The following LAMA5 variants were observed in gnomAD, a reference collection of about 807,000 sequenced individuals.
LAMA5 encodes laminin subunit alpha 5.
Under a neutral mutation model 433.4 loss-of-function variants are expected in LAMA5, and 260 were observed. That is an observed-to-expected ratio of 0.60 (90% CI 0.54 to 0.66). The LOEUF is 0.66. LAMA5 is among the 30% of genes least tolerant of loss of function. LAMA5 has a pLI of 0.00. For synonymous variants in LAMA5, 2,620 were observed against 2,226.6 expected (o/e 1.18, Z -4.97); for missense variants, 5,378 against 5,258.5 (o/e 1.02, Z -0.70).
At position 62,338,952 on chromosome 20, in the gene LAMA5, G is replaced by A. The variant is rs1038730077; in HGVS notation, c.1478-344C>T. ...CTTGGGAGGCTGGGGCAGGAGAATC[G>A]CTTGATCCTGGGAGGCGGAGGTTGC... On this transcript the variant is annotated intron_variant, in intron 11 of 79. Transcript: ENST00000252999. Among the ~76,000 whole-genome samples the A allele has an allele frequency of 4.0e-5, 6 of 151,306 alleles. 1 individual carries two copies. The highest frequency in any genetic ancestry group is 2.6e-4 in the Admixed American group (4 of 15,174).
At chr20:62,350,096 G>C (rs943243446) in intron 6 of LAMA5, among the ~76,000 whole-genome samples, 1 of 151,786 alleles carries the variant, frequency 6.6e-6, no homozygotes, top group African/African-American at 2.4e-5. Flanking sequence ...CCTGCAGGGA[G>C]AGCTGAGCTC....
chr20:62,352,866 C>T (rs886520298), intron 3 of LAMA5: 9 of 438,744 alleles, frequency 2.1e-5, no homozygotes, highest in Admixed American at 1.6e-4. Context: ...CGGGAGCTGC[C>T]GGTGCATGAA....
rs751034946 is a variant in LAMA5 at position 62,311,035 on chromosome 20, G to A, written c.10148C>T (p.Ala3383Val). The A allele has an allele frequency of 6.2e-7, 1 of 1,608,864 alleles. No individual in the cohort carries two copies. The highest frequency in any genetic ancestry group is 8.5e-7 in the Non-Finnish European group (1 of 1,178,040). The change falls in exon 74 of 80, where the codon GCC becomes GTC. Residue 3383 changes from alanine (A) to valine (V), a missense_variant. By Grantham distance (64) the Ala-to-Val change is moderately conservative. Transcript: ENST00000252999. ...GGAGGGGCTGCCGGGCCTCAGACGGGCAGTGAAGAGGAGGAGGCCTCGGGA... is the reference window on the plus strand; with the variant it reads ...GGAGGGGCTGCCGGGCCTCAGACGGACAGTGAAGAGGAGGAGGCCTCGGGA... ...RSSRGLLLFT[A>V]RLRPGSPSLA...
At chr20:62,321,878 G>T in intron 48 of LAMA5, 141 bp downstream of exon 48, 2 of 815,508 alleles carry the variant, frequency 2.5e-6, no homozygotes, top group Non-Finnish European at 4.1e-6. Flanking sequence ...GGTTGGAGTT[G>T]GACAGGCATG....
intron 45 of LAMA5, among the ~76,000 whole-genome samples, chr20:62,323,254 G>GT (rs1978640053): frequency 1.9e-5 from 2 of 104,218 alleles, no homozygotes; most frequent in Non-Finnish European, 4.2e-5. Flanking sequence ...CGCTGGGGCG[G>GT]GAGGGCCTGA....
rs147108312 is a variant in LAMA5, at chr20:62,310,019, C to T, written c.10797G>A (p.Val3599=). The part of the protein sequence containing the change: ...EFSTSVTRPS[V]LCDGQWHRLA... ...GCCGGTGCCACTGGCCATCACACAG[C>T]ACTGAGGGGCGGGTCACTGACGTGG... Residue 3599 remains valine (V), a synonymous_variant, in exon 78 of 80, where the codon GTG becomes GTA. Transcript: ENST00000252999. The T allele has an allele frequency of 6.3e-5, 101 of 1,611,548 alleles. No individual in the cohort carries two copies. In the African/African-American group the frequency reaches 1.3e-3, roughly 20 times the overall value.
chr20:62,342,594 G>A (rs1982766773), intron 11 of LAMA5, among the ~76,000 whole-genome samples: 1 of 152,056 alleles, frequency 6.6e-6, no homozygotes, highest in Non-Finnish European at 1.5e-5. Context: ...CAGGAGAATG[G>A]CGTGAACCTG....
intron 1 of LAMA5, among the ~76,000 whole-genome samples, chr20:62,364,954 C>T (rs112403728): frequency 8.7e-4 from 132 of 152,374 alleles, no homozygotes; most frequent in African/African-American, 3.0e-3. Context: ...TTGCCCCAAC[C>T]GCAGCTCCAC....
chr20:62,310,639 GGGGGCT>G lies in LAMA5; in HGVS notation c.10446+20_10446+25del. 1 of 1,595,458 alleles carries G rather than the reference GGGGGCT, an allele frequency of 6.3e-7. No individual in the cohort carries two copies. Among genetic ancestry groups the G allele is most frequent in the Non-Finnish European group, 8.5e-7 (1 of 1,175,692 alleles). On this transcript the variant is annotated intron_variant, in intron 75 of 79. Coordinates refer to ENST00000252999, the MANE Select transcript of LAMA5 (RefSeq NM_005560.6). The stretch of plus-strand genomic sequence containing the variant: ...TGAAAGGGAACAGTGGGTGGGGAGT[GGGGGCT>G]GGGGCAAGATGGTTCTCACCGGAAG...
At position 62,324,019 on chromosome 20, in the gene LAMA5, G is replaced by A. The variant is rs116488922; in HGVS notation, c.5768+61C>T. 2.8e-3 allele frequency: 4,101 copies of A among 1,450,784 alleles called. 98 individuals are homozygous for A. The African/African-American group carries it at 0.047, about 17-fold the overall frequency. 89.9% of individuals were successfully genotyped at this position (1,450,784 alleles called of 1,614,324 possible). A position where few individuals can be genotyped will look rare whatever the true frequency, so the allele number is the denominator to read the frequency against. Reference sequence around the variant, plus strand: ...GCAGAGGGCAGTGGGAACCCACCCCGCTGCTGGGTGAAGGGAGCCTGGCAC... The same window carrying A: ...GCAGAGGGCAGTGGGAACCCACCCCACTGCTGGGTGAAGGGAGCCTGGCAC... On this transcript the variant is annotated intron_variant, in intron 43 of 79. Transcript: ENST00000252999. The surrounding 1 kb of genome is among the most constrained non-coding windows in gnomAD (Gnocchi z 4.4).
In LAMA5 at chr20:62,315,038, T is replaced by C. The variant is rs745771106; in HGVS notation, c.8037A>G (p.Ala2679=). 6 of 1,593,104 alleles carry C rather than the reference T, an allele frequency of 3.8e-6. No individual in the cohort carries two copies. The highest frequency in any genetic ancestry group is 4.3e-6 in the Non-Finnish European group (5 of 1,175,914). ...GGGCCATGGGCGCACCTGAGTGGCC[T>C]GCGTCAAGCACTGCCTGGCCCAGGT... ...GQDLGQAVLD[A]GHSVSTLEKT... is the part of the protein sequence containing the mutation. Residue 2679 remains alanine (A), a synonymous_variant, in exon 59 of 80, where the codon GCA becomes GCG. Transcript: ENST00000252999.
chr20:62,366,997 C>T lies in LAMA5; in HGVS notation c.249G>A (p.Lys83=). Residue 83 remains lysine (K), a synonymous_variant, in exon 1 of 80, where the codon AAG becomes AAA. Transcript: ENST00000252999. ...CGCCGGCCACGGGGCCCCCTACCAG[C>T]TTGCAGTAAAGGTCCTCGGTGGGGC... ...SPRPTEDLYC[K]LVGGPVAGGD... 7.8e-7 allele frequency: 1 copy of T among 1,280,384 alleles called. No homozygotes were observed. Among genetic ancestry groups the T allele is most frequent in the Admixed American group, 3.3e-5 (1 of 30,376 alleles). 79.3% of individuals were successfully genotyped at this position (1,280,384 alleles called of 1,614,324 possible). A position where few individuals can be genotyped will look rare whatever the true frequency, so the allele number is the denominator to read the frequency against.
rs1359101719 is a variant in LAMA5, at chr20:62,324,529, TCCCGATAGAAGCCGGGG to T, written c.5538_5554del (p.Pro1847ArgfsTer41). On this transcript the variant is annotated frameshift_variant, in exon 42 of 80. Coordinates refer to ENST00000252999, the MANE Select transcript of LAMA5 (RefSeq NM_005560.6). LOFTEE classifies it high-confidence loss of function. This position sits in a 1 kb window ranked among gnomAD's most constrained non-coding sequence, Gnocchi z 4.4. Reference sequence around the variant, plus strand: ...TCGGCCCAGGAAGAGACCTTTGACGTCCCGATAGAAGCCGGGGGCACATTCCTGAGGGTGTACGGGGG... The same window carrying T: ...TCGGCCCAGGAAGAGACCTTTGACGTGCACATTCCTGAGGGTGTACGGGGG... The T allele has an allele frequency of 2.5e-6, 4 of 1,611,876 alleles. No individual in the cohort carries two copies. The African/African-American group carries it at 5.3e-5, about 22-fold the overall frequency.
chr20:62,314,242 G>C (rs1986684582), intron 62 of LAMA5, 62 bp downstream of exon 62: 4 of 1,565,996 alleles, frequency 2.6e-6, no homozygotes. Context: ...AGAGGGGAGA[G>C]ATGGCGAACG....
chr20:62,352,366 G>T lies in LAMA5; in HGVS notation c.569-6C>A, dbSNP rs1174333449. 9 of 1,593,510 alleles carry T rather than the reference G, an allele frequency of 5.6e-6. No individual in the cohort carries two copies. Among genetic ancestry groups the T allele is most frequent in the Non-Finnish European group, 7.7e-6 (9 of 1,175,840 alleles). ...CAGACAGTCCCTCTTGGAGGCTGCG[G>T]GGAATGGCGGGAGGGGAGGGCGCTG... On this transcript the variant is annotated splice_region_variant and splice_polypyrimidine_tract_variant and intron_variant, in intron 3 of 79. Coordinates refer to ENST00000252999, the MANE Select transcript of LAMA5 (RefSeq NM_005560.6).
chr20:62,345,608 T>C (rs769868559), intron 11 of LAMA5: 10 of 666,896 alleles, frequency 1.5e-5, no homozygotes, highest in East Asian at 8.3e-5. Flanking sequence ...GGTTTTACCA[T>C]GTTGCCTGGG....
chr20:62,358,490 C>G (rs1259961978), intron 2 of LAMA5, among the ~76,000 whole-genome samples: 1 of 152,176 alleles, frequency 6.6e-6, no homozygotes, highest in Non-Finnish European at 1.5e-5. Context: ...GGCTGAGTGC[C>G]CAACCAGGCC....
chr20:62,319,843 G>T (rs561076848), intron 50 of LAMA5, 48 bp from the exon 51 acceptor site: 4 of 1,448,302 alleles, frequency 2.8e-6, no homozygotes, highest in Non-Finnish European at 3.8e-6. Context: ...GGCGAGGGTC[G>T]GGGTGGCAAG....
In LAMA5 at chr20:62,315,141, C is replaced by T. The variant is rs547892801; in HGVS notation, c.7934G>A (p.Arg2645His). ...VAAEAQDTATRVQSQLQAMQE... is the reference protein window; with the variant it reads ...VAAEAQDTATHVQSQLQAMQE... ...CATGGCCTGCAGCTGGGACTGCACACGGGTGGCGGTGTCCTGGGCTTCAGC... is the reference window on the plus strand; with the variant it reads ...CATGGCCTGCAGCTGGGACTGCACATGGGTGGCGGTGTCCTGGGCTTCAGC... Residue 2645 changes from arginine (R) to histidine (H), a missense_variant, in exon 59 of 80, where the codon CGT (arginine) becomes CAT (histidine). Transcript: ENST00000252999. 32 of 1,610,394 alleles carry T rather than the reference C, an allele frequency of 2.0e-5. No homozygotes were observed. In the Admixed American group the frequency reaches 2.0e-4, roughly 10 times the overall value.
Sources: allele counts gnomAD v4.1 joint callset (sites outside exome capture counted in the v4.1 genomes callset), GRCh38; gene constraint gnomAD v4.1.1; non-coding constraint Gnocchi (gnomAD v3.1); transcripts MANE v1.5; gene names NCBI Gene and HGNC (gene_info 2026-07-23, HGNC 2026-07-21).